Variants in TTC28 observed in about 807,000 individuals in gnomAD.
TTC28 encodes tetratricopeptide repeat domain 28.
A neutral mutation model predicts 198.0 loss-of-function variants in TTC28; 61 were observed. The observed-to-expected ratio is 0.31, with a 90% CI of 0.25 to 0.38. TTC28 has a LOEUF of 0.38. TTC28 is among the 10% of genes least tolerant of loss of function. The pLI is 1.00. For missense variants in TTC28, 2,678 were observed against 3,164.0 expected (o/e 0.85, Z 3.69); for synonymous variants, 1,171 against 1,297.8 (o/e 0.90, Z 2.10).
chr22:28,671,099 G>C (rs912538398), intron 1 of TTC28, among the ~76,000 whole-genome samples: 2 of 151,792 alleles, frequency 1.3e-5, no homozygotes, highest in African/African-American at 4.8e-5. Context: ...AAGTGATCAC[G>C]GGCTAACATT....
chr22:28,361,926 T>C, intron 2 of TTC28, among the ~76,000 whole-genome samples: 1 of 152,178 alleles, frequency 6.6e-6, no homozygotes, highest in East Asian at 1.9e-4. Context: ...TACAGCATAG[T>C]TTACCGAATA....
At chr22:28,202,182 G>A (rs1446413511) in intron 5 of TTC28, among the ~76,000 whole-genome samples, 5 of 152,000 alleles carry the variant, frequency 3.3e-5, no homozygotes, top group African/African-American at 4.8e-5. Flanking sequence ...TCAAAATATC[G>A]TACTGCGTTT....
chr22:28,411,637 C>T (rs134551), intron 2 of TTC28, among the ~76,000 whole-genome samples: 46,694 of 152,036 alleles, frequency 0.31, 7,353 homozygotes, highest in Admixed American at 0.37. Context: ...TTCACAGCAA[C>T]AGTTACAATG....
intron 2 of TTC28, among the ~76,000 whole-genome samples, chr22:28,459,282 T>C (rs1696168553): frequency 6.6e-6 from 1 of 151,930 alleles, no homozygotes; most frequent in African/African-American, 2.4e-5. Context: ...ATACAAAAAA[T>C]TACCCAGGCA....
At chr22:28,607,698 A>C (rs887960762) in intron 2 of TTC28, among the ~76,000 whole-genome samples, 2 of 152,082 alleles carry the variant, frequency 1.3e-5, no homozygotes, top group African/African-American at 2.4e-5. Flanking sequence ...GAACTACTTA[A>C]ATCTCCCTGA....
intron 2 of TTC28, among the ~76,000 whole-genome samples, chr22:28,362,177 C>T (rs1012422529): frequency 2.6e-5 from 4 of 152,012 alleles, no homozygotes; most frequent in African/African-American, 7.3e-5. Context: ...ATGTGTTATG[C>T]GAGGGACCCA....
At chr22:28,302,761 G>A (rs2045053431) in intron 3 of TTC28, among the ~76,000 whole-genome samples, 1 of 152,004 alleles carries the variant, frequency 6.6e-6, no homozygotes, top group Non-Finnish European at 1.5e-5. Flanking sequence ...TGCAACCTCC[G>A]CCTCCCGGGT....
chr22:28,172,988 T>C (rs1281966422), intron 5 of TTC28, among the ~76,000 whole-genome samples: 2 of 152,216 alleles, frequency 1.3e-5, no homozygotes, highest in Non-Finnish European at 2.9e-5. Context: ...TTCAGTAAAC[T>C]ATAGAGTGCT....
At chr22:28,476,607 T>G (rs1047857706) in intron 2 of TTC28, among the ~76,000 whole-genome samples, 1 of 152,200 alleles carries the variant, frequency 6.6e-6, no homozygotes, top group Non-Finnish European at 1.5e-5. Flanking sequence ...CACAAAACTG[T>G]TAAATGGCAT....
intron 2 of TTC28, among the ~76,000 whole-genome samples, chr22:28,391,757 A>G (rs1425930468): frequency 6.6e-6 from 1 of 152,112 alleles, no homozygotes; most frequent in Non-Finnish European, 1.5e-5. Flanking sequence ...ACTTTTTTGA[A>G]AGTTTTCAAC....
At chr22:28,277,481 T>G (rs1258677499) in intron 5 of TTC28, among the ~76,000 whole-genome samples, 1 of 152,220 alleles carries the variant, frequency 6.6e-6, no homozygotes, top group Non-Finnish European at 1.5e-5. Context: ...ATTTTAATTA[T>G]TCTAAGCCAC....
intron 2 of TTC28, among the ~76,000 whole-genome samples, chr22:28,581,753 G>A (rs978024248): frequency 3.9e-5 from 6 of 152,052 alleles, no homozygotes; most frequent in Admixed American, 2.0e-4. Context: ...CTCTACAAAC[G>A]AACAAACAAA....
intron 2 of TTC28, among the ~76,000 whole-genome samples, chr22:28,494,705 C>G (rs2146351815): frequency 6.6e-6 from 1 of 152,022 alleles, no homozygotes; most frequent in Middle Eastern, 3.4e-3. Flanking sequence ...TAATAAACTT[C>G]AGTTTATCTT....
intron 12 of TTC28, among the ~76,000 whole-genome samples, chr22:28,037,277 T>G (rs1001564687): frequency 7.2e-5 from 11 of 152,192 alleles, no homozygotes; most frequent in Non-Finnish European, 1.3e-4. Context: ...AATAAAATAC[T>G]GGCAAACCGA....
At chr22:27,987,869 T>C (rs528540095) in intron 21 of TTC28, among the ~76,000 whole-genome samples, 89 of 152,138 alleles carry the variant, frequency 5.8e-4, no homozygotes, top group African/African-American at 2.0e-3. Flanking sequence ...GCTGCCTACA[T>C]AGAAATTTAC....
At chr22:28,400,226 CT>C (rs566282524) in intron 2 of TTC28, among the ~76,000 whole-genome samples, 214 of 152,208 alleles carry the variant, frequency 1.4e-3, no homozygotes, top group African/African-American at 5.0e-3. Context: ...TATACCAAAC[CT>C]ATAACCATCA....
rs1317320279 is a variant in TTC28, at chr22:27,998,655, G to T, written c.5004C>A (p.Phe1668Leu). The T allele has an allele frequency of 1.9e-6, 3 of 1,550,860 alleles. No homozygotes were observed. ...WPVPVAASKMFIHAFYSSLLN... is the reference protein window; with the variant it reads ...WPVPVAASKMLIHAFYSSLLN... ...GCAGGGATGAGTAGAAGGCATGGAT[G>T]AACATCTTAGAAGCAGCCACTGGCA... The change falls in exon 16 of 23, where the codon TTC (phenylalanine) becomes TTA (leucine). Residue 1668 changes from phenylalanine (F) to leucine (L), a missense_variant. Phe to Leu is a conservative substitution (Grantham distance 22, BLOSUM62 0). Around this residue, in one of 8 missense-constraint regions of TTC28, gnomAD observed 314 missense variants for 442.7 expected, o/e 0.71. Coordinates refer to ENST00000397906, the MANE Select transcript of TTC28 (RefSeq NM_001145418.2).
intron 6 of TTC28, among the ~76,000 whole-genome samples, chr22:28,123,749 G>A (rs1344402341): frequency 3.3e-5 from 5 of 152,040 alleles, no homozygotes; most frequent in East Asian, 1.9e-4. Context: ...TTGGGAGGCC[G>A]AGGCGGGTGG....
intron 2 of TTC28, among the ~76,000 whole-genome samples, chr22:28,547,559 C>G (rs1257204358): frequency 1.3e-5 from 2 of 152,030 alleles, no homozygotes; most frequent in East Asian, 3.8e-4. Flanking sequence ...CCTCTTTCTA[C>G]CCCCAGTCAA....
Sources: allele counts gnomAD v4.1 joint callset (sites outside exome capture counted in the v4.1 genomes callset), GRCh38; gene constraint gnomAD v4.1.1; regional missense constraint gnomAD v4.1.1; transcripts MANE v1.5; gene names NCBI Gene and HGNC (gene_info 2026-07-23, HGNC 2026-07-21).